The following CDH18 variants were observed in gnomAD, a reference collection of about 807,000 sequenced individuals.
CDH18 encodes cadherin 18, also known as cadherin-18.
In CDH18, 31 loss-of-function variants were observed where a neutral mutation model predicts 67.9. That is an observed-to-expected ratio of 0.46 (90% CI 0.34 to 0.62). CDH18 has a LOEUF of 0.62. Ranked by LOEUF, CDH18 falls within the 20% of genes least tolerant of loss-of-function variation. The pLI, the probability that CDH18 is intolerant of heterozygous loss-of-function variation, is 0.01. For missense variants in CDH18, 890 were observed against 975.5 expected (o/e 0.91, Z 1.17); for synonymous variants, 362 against 347.2 (o/e 1.04, Z -0.48).
chr5:19,931,287 T>C (rs1793664820), intron 2 of CDH18, among the ~76,000 whole-genome samples: 1 of 152,008 alleles, frequency 6.6e-6, no homozygotes, highest in Non-Finnish European at 1.5e-5. Flanking sequence ...GTCAAAATAG[T>C]GTCAACTTAG....
chr5:19,883,910 C>A (rs558309853), intron 2 of CDH18, among the ~76,000 whole-genome samples: 1 of 151,948 alleles, frequency 6.6e-6, no homozygotes, highest in Non-Finnish European at 1.5e-5. Context: ...TTCATGTCAT[C>A]TTCGTTTAAA....
At chr5:20,362,283 A>T (rs929490445) in intron 1 of CDH18, among the ~76,000 whole-genome samples, 2 of 152,156 alleles carry the variant, frequency 1.3e-5, no homozygotes, top group African/African-American at 4.8e-5. Context: ...TTCTAATGCA[A>T]AATGGGACTG....
intron 2 of CDH18, among the ~76,000 whole-genome samples, chr5:19,922,468 T>TA (rs1340086064): frequency 6.6e-6 from 1 of 152,234 alleles, no homozygotes; most frequent in African/African-American, 2.4e-5. Context: ...AAGCCTGTCA[T>TA]ATAAGCATCA....
intron 6 of CDH18, among the ~76,000 whole-genome samples, chr5:19,608,074 ATCTC>A (rs1438608892): frequency 6.6e-6 from 1 of 151,778 alleles, no homozygotes; most frequent in Non-Finnish European, 1.5e-5. Flanking sequence ...AGACTTTAAC[ATCTC>A]TCTCAATAAC....
intron 2 of CDH18, among the ~76,000 whole-genome samples, chr5:20,113,763 A>G (rs569162503): frequency 6.6e-6 from 1 of 152,346 alleles, no homozygotes; most frequent in East Asian, 1.9e-4. Flanking sequence ...CTAGGGAAAT[A>G]TTGACAAAGC....
chr5:20,137,776 G>A (rs1749864546), intron 2 of CDH18, among the ~76,000 whole-genome samples: 1 of 151,930 alleles, frequency 6.6e-6, no homozygotes, highest in East Asian at 1.9e-4. Flanking sequence ...TTTTGGTGTG[G>A]ATGTCCTTTA....
intron 1 of CDH18, among the ~76,000 whole-genome samples, chr5:20,327,844 C>T (rs1165206796): frequency 8.6e-5 from 13 of 151,692 alleles, no homozygotes; most frequent in Admixed American, 8.6e-4. Context: ...TCAAGACTGC[C>T]CTGGGCAACA....
At chr5:20,551,723 C>A (rs1757644363) in intron 1 of CDH18, among the ~76,000 whole-genome samples, 1 of 152,110 alleles carries the variant, frequency 6.6e-6, no homozygotes, top group Non-Finnish European at 1.5e-5. Context: ...TATTTTAAGT[C>A]ACCAAAGATG....
chr5:20,067,910 C>T (rs1743123565), intron 2 of CDH18, among the ~76,000 whole-genome samples: 1 of 151,888 alleles, frequency 6.6e-6, no homozygotes, highest in East Asian at 1.9e-4. Context: ...TAGTTTCGTG[C>T]CAGGGTTTGA....
chr5:19,710,705 T>C (rs1264798016), intron 5 of CDH18, among the ~76,000 whole-genome samples: 1 of 152,074 alleles, frequency 6.6e-6, no homozygotes. Context: ...TACTAATATT[T>C]ATTTAAAAAT....
intron 6 of CDH18, among the ~76,000 whole-genome samples, chr5:19,595,075 TAAAC>T (rs1403644891): frequency 7.2e-5 from 11 of 152,112 alleles, no homozygotes; most frequent in Non-Finnish European, 1.3e-4. Context: ...TTATAACTAA[TAAAC>T]AAATTCGGTA....
intron 11 of CDH18, chr5:19,502,584 T>C (rs773451458): frequency 1.1e-5 from 4 of 357,660 alleles, no homozygotes; most frequent in African/African-American, 2.1e-5. Context: ...CACATCTTGA[T>C]AGCCTTGCTC....
intron 2 of CDH18, among the ~76,000 whole-genome samples, chr5:19,928,470 T>C (rs1178266001): frequency 1.3e-5 from 2 of 152,158 alleles, no homozygotes; most frequent in African/African-American, 4.8e-5. Flanking sequence ...ACCAAATATG[T>C]ATAAATTTCA....
At chr5:20,392,017 C>T (rs1744905905) in intron 1 of CDH18, among the ~76,000 whole-genome samples, 1 of 151,762 alleles carries the variant, frequency 6.6e-6, no homozygotes, top group African/African-American at 2.4e-5. Flanking sequence ...AACTTACATC[C>T]ATTTATTTTT....
At chr5:19,533,605 C>G (rs894733885) in intron 9 of CDH18, among the ~76,000 whole-genome samples, 3 of 151,928 alleles carry the variant, frequency 2.0e-5, no homozygotes, top group South Asian at 2.1e-4. Flanking sequence ...ATGCTTTAGA[C>G]AGTGAAAAAG....
intron 1 of CDH18, among the ~76,000 whole-genome samples, chr5:20,276,551 T>C (rs185389590): frequency 6.6e-6 from 1 of 152,270 alleles, no homozygotes; most frequent in African/African-American, 2.4e-5. Context: ...CAAGAATTAC[T>C]CATTGTGGGC....
intron 1 of CDH18, among the ~76,000 whole-genome samples, chr5:20,389,670 G>A (rs1418652259): frequency 5.3e-5 from 8 of 152,020 alleles, no homozygotes; most frequent in East Asian, 1.9e-4. Context: ...AAAAGAGCCC[G>A]CATCGCCAAG....
At chr5:19,592,207 T>C (rs1424024011) in intron 6 of CDH18, among the ~76,000 whole-genome samples, 14 of 152,042 alleles carry the variant, frequency 9.2e-5, no homozygotes, top group African/African-American at 2.4e-5. Flanking sequence ...GACAGATAGA[T>C]AGATTAGATA....
chr5:20,201,189 T>C (rs984543775), intron 2 of CDH18, among the ~76,000 whole-genome samples: 3 of 151,936 alleles, frequency 2.0e-5, no homozygotes, highest in African/African-American at 7.3e-5. Flanking sequence ...GGCTACTAGA[T>C]GCATTACTCC....
Sources: allele counts gnomAD v4.1 joint callset (sites outside exome capture counted in the v4.1 genomes callset), GRCh38; gene constraint gnomAD v4.1.1; transcripts MANE v1.5; gene names NCBI Gene and HGNC (gene_info 2026-07-23, HGNC 2026-07-21).